RPL6: variants seen among roughly 807,000 people sequenced by gnomAD.
RPL6 encodes the protein large ribosomal subunit protein eL6.
Under a neutral mutation model 32.1 loss-of-function variants are expected in RPL6, and 1 was observed. The observed-to-expected ratio is 0.03, with a 90% CI of 0.01 to 0.15. The LOEUF is 0.15. Among genes scored for constraint, RPL6 ranks in the 10% least tolerant of loss-of-function variants. RPL6 has a pLI of 1.00. For synonymous variants in RPL6, 126 were observed against 131.6 expected (o/e 0.96, Z 0.29); for missense variants, 275 against 354.6 (o/e 0.78, Z 1.80).
upstream of RPL6, chr12:112,410,554 CTTTTTTTTTTTTTTTTTTTTTTTT>C (rs561190073): frequency 1.9e-4 from 7 of 36,224 alleles, no homozygotes; most frequent in Non-Finnish European, 4.6e-4. Flanking sequence ...AGTGTTAGCT[CTTTTTTTTTTTTTTTTTTTTTTTT>C]TTTTTTTTTT....
intron 4 of RPL6, 116 bp from the exon 5 acceptor site, chr12:112,406,458 A>AG (rs2037172085): frequency 1.1e-6 from 1 of 929,534 alleles, no homozygotes; most frequent in Admixed American, 2.4e-5. Flanking sequence ...ATATGTATAC[A>AG]GCTCGGCAGT....
At chr12:112,411,494 T>C (rs2037340670), upstream of RPL6, 2 of 152,186 alleles carry the variant, frequency 1.3e-5, no homozygotes, top group Non-Finnish European at 2.9e-5. Context: ...TTTTTGAGAA[T>C]GGGAATGTCA....
chr12:112,408,007 A>C (rs1327560534), intron 3 of RPL6: 4 of 516,046 alleles, frequency 7.8e-6, no homozygotes, highest in Non-Finnish European at 1.4e-5. Context: ...GGCATTAGCC[A>C]CCACACTCAG....
chr12:112,408,483 G>A lies in RPL6; in HGVS notation c.174C>T (p.Ser58=). Residue 58 remains serine (S), a synonymous_variant, in exon 2 of 7, where the codon TCC becomes TCT. Transcript: ENST00000202773. ...CCTTTCTGGAATACATGGCAGATCG[G>A]GAATACCTGCCAATTCCTCTGACAA... The part of the protein sequence containing the change: ...PVLVRGIGRY[S]RSAMYSRKAM... 6.2e-7 allele frequency: 1 copy of A among 1,614,028 alleles called. No individual in the cohort carries two copies. The highest frequency in any genetic ancestry group is 8.5e-7 in the Non-Finnish European group (1 of 1,180,028).
At chr12:112,407,892 A>G (rs1318622986) in intron 3 of RPL6, 2 of 213,184 alleles carry the variant, frequency 9.4e-6, no homozygotes. Context: ...GCTAATTTGT[A>G]TATTTTTACT....
At chr12:112,406,138 C>G (rs2037159026) in intron 5 of RPL6, 101 bp from the exon 6 acceptor site, 1 of 1,239,648 alleles carries the variant, frequency 8.1e-7, no homozygotes, top group African/African-American at 1.5e-5. Flanking sequence ...AAGAAGACCA[C>G]TTGTCTAACC....
At chr12:112,415,532 G>A (rs969784361) in intron 1 of RPL6, among the ~76,000 whole-genome samples, 4 of 152,100 alleles carry the variant, frequency 2.6e-5, no homozygotes, top group Non-Finnish European at 4.4e-5. Context: ...GGCCAACATG[G>A]CGAAACCCTG....
intron 3 of RPL6, 67 bp from the exon 4 acceptor site, chr12:112,406,957 C>G: frequency 6.5e-7 from 1 of 1,547,234 alleles, no homozygotes; most frequent in Non-Finnish European, 8.8e-7. Context: ...CAAGCTATGT[C>G]AGCCAAACTT....
In RPL6 at chr12:112,405,902, A is replaced by G; in HGVS notation, c.665T>C (p.Leu222Pro). 1.9e-6 allele frequency: 3 copies of G among 1,613,968 alleles called. No individual in the cohort carries two copies. The highest frequency in any genetic ancestry group is 2.5e-6 in the Non-Finnish European group (3 of 1,179,934). The change falls in exon 6 of 7, where the codon CTG (leucine) becomes CCG (proline). Residue 222 changes from leucine (L) to proline (P), a missense_variant. By Grantham distance (98) the Leu-to-Pro change is moderately conservative. Coordinates refer to ENST00000202773, the MANE Select transcript of RPL6 (RefSeq NM_000970.6). ...ACCTTCCTGGTGTCTGGGCTTCCGC[A>G]GCTTCTTCTTCTTGAAGTAAGCATC... ...LTDAYFKKKK[L>P]RKPRHQEGEI...
rs376805975 is a variant in RPL6, at chr12:112,417,685, C to T, written c.-229+1043G>A. ...GCCTCCCAAAGTTCTGGGATGAAGG[C>T]GTGAGCCACCATACCTGGCCTGAGT... is the stretch of plus-strand genomic sequence containing the variant. On this transcript the variant is annotated intron_variant, in intron 1 of 5. Transcript: ENST00000551291. Among the ~76,000 whole-genome samples, 78 of 148,358 alleles carry T rather than the reference C, an allele frequency of 5.3e-4. 2 individuals are homozygous for T. The South Asian group carries it at 9.9e-3, about 19-fold the overall frequency.
intron 1 of RPL6, 167 bp downstream of exon 1, chr12:112,409,420 G>A: frequency 2.5e-6 from 1 of 398,608 alleles, no homozygotes; most frequent in South Asian, 1.3e-4. Context: ...CCCTCTTTGT[G>A]CCCTGCCGCA....
At chr12:112,409,821 G>C (rs1255271143), upstream of RPL6, among the ~76,000 whole-genome samples, 7 of 149,564 alleles carry the variant, frequency 4.7e-5, no homozygotes, top group African/African-American at 7.4e-5. Context: ...GACCAGCCTG[G>C]CCAACATGGT....
intron 4 of RPL6, 155 bp from the exon 5 acceptor site, chr12:112,406,497 G>T: frequency 1.3e-6 from 1 of 786,868 alleles, no homozygotes. Flanking sequence ...AAGCTACTAA[G>T]GTAGTACTCC....
Position 112,405,303 on chromosome 12 carries a change from G to A in RPL6, c.788C>T (p.Ala263Val), listed in dbSNP as rs2037127973. 3 of 1,610,546 alleles carry A rather than the reference G, an allele frequency of 1.9e-6. No individual in the cohort carries two copies. The East Asian group carries it at 6.7e-5, about 36-fold the overall frequency. Reference protein sequence around the residue: ...VDSQILPKIKAIPQLQGYLRS... With the variant: ...VDSQILPKIKVIPQLQGYLRS... ...CAGGTAGCCCTGGAGCTGAGGAATAGCTTTGATTTTTGGTAAAATTTGTGA... is the reference window on the plus strand; with the variant it reads ...CAGGTAGCCCTGGAGCTGAGGAATAACTTTGATTTTTGGTAAAATTTGTGA... The change falls in exon 7 of 7, where the codon GCT (alanine) becomes GTT (valine). Residue 263 changes from alanine (A) to valine (V), a missense_variant. Ala to Val is a moderately conservative substitution (Grantham distance 64). Transcript: ENST00000202773.
At chr12:112,409,895 A>T (rs1230687503), upstream of RPL6, among the ~76,000 whole-genome samples, 1 of 151,796 alleles carries the variant, frequency 6.6e-6, no homozygotes, top group Non-Finnish European at 1.5e-5. Flanking sequence ...GTCTGTAATG[A>T]CAGCCAGTCG....
chr12:112,405,567 T>C (rs1379130013), intron 6 of RPL6, 191 bp from the exon 7 acceptor site: 3 of 662,764 alleles, frequency 4.5e-6, no homozygotes, highest in Non-Finnish European at 7.6e-6. Flanking sequence ...AAGTAGCTCT[T>C]AAGCTTTTGT....
intron 1 of RPL6, among the ~76,000 whole-genome samples, chr12:112,417,560 CTTTTT>C (rs1209085428): frequency 1.6e-4 from 12 of 75,084 alleles, no homozygotes; most frequent in East Asian, 4.3e-4. Flanking sequence ...CCCGGCCCGG[CTTTTT>C]TTTTTTTTTT....
chr12:112,405,302 A>G lies in RPL6; in HGVS notation c.789T>C (p.Ala263=), dbSNP rs2037127865. The change falls in exon 7 of 7, where the codon GCT becomes GCC. Residue 263 remains alanine, a synonymous_variant. Coordinates refer to ENST00000202773, the MANE Select transcript of RPL6 (RefSeq NM_000970.6). ...GCAGGTAGCCCTGGAGCTGAGGAAT[A>G]GCTTTGATTTTTGGTAAAATTTGTG... is the stretch of plus-strand genomic sequence containing the variant. ...VDSQILPKIK[A]IPQLQGYLRS... The G allele has an allele frequency of 1.9e-6, 3 of 1,610,798 alleles. No individual in the cohort carries two copies. Among genetic ancestry groups the G allele is most frequent in the Non-Finnish European group, 2.5e-6 (3 of 1,179,074 alleles).
intron 1 of RPL6, among the ~76,000 whole-genome samples, chr12:112,418,131 C>T (rs1320997192): frequency 1.3e-5 from 2 of 152,300 alleles, no homozygotes; most frequent in Non-Finnish European, 2.9e-5. Context: ...AGGCGCCCCC[C>T]ACCACGCCAG....
Sources: allele counts gnomAD v4.1 joint callset (sites outside exome capture counted in the v4.1 genomes callset), GRCh38; gene constraint gnomAD v4.1.1; transcripts MANE v1.5; gene names NCBI Gene and HGNC (gene_info 2026-07-23, HGNC 2026-07-21).